Variants in MACROD2 observed in about 807,000 individuals in gnomAD.
MACROD2 encodes the protein mono-ADP ribosylhydrolase 2, also known as ADP-ribose glycohydrolase MACROD2.
MACROD2 carries 36 observed loss-of-function variants against 70.4 expected under a neutral mutation model. The ratio of observed to expected loss-of-function variants is 0.51; its 90% CI spans 0.39 to 0.68. MACROD2 has a LOEUF of 0.68. Among genes scored for constraint, MACROD2 ranks in the 30% least tolerant of loss-of-function variants. The pLI is 0.00. For missense variants in MACROD2, 496 were observed against 538.4 expected (o/e 0.92, Z 0.78); for synonymous variants, 172 against 178.8 (o/e 0.96, Z 0.30).
At chr20:15,384,762 T>C (rs1267586783) in intron 6 of MACROD2, among the ~76,000 whole-genome samples, 1 of 152,204 alleles carries the variant, frequency 6.6e-6, no homozygotes, top group Non-Finnish European at 1.5e-5. Context: ...TATTTTGGCT[T>C]GTATGTGTGT....
chr20:14,370,877 A>G (rs2083315982), intron 3 of MACROD2, among the ~76,000 whole-genome samples: 1 of 152,236 alleles, frequency 6.6e-6, no homozygotes, highest in South Asian at 2.1e-4. Context: ...GTAGCACATT[A>G]AAACATTATA....
At chr20:15,027,544 ATGG>A (rs1555775289) in intron 5 of MACROD2, among the ~76,000 whole-genome samples, 24 of 136,978 alleles carry the variant, frequency 1.8e-4, no homozygotes, top group East Asian at 6.3e-4. Flanking sequence ...GGTGGTAGTG[ATGG>A]TGGTGGTGGT....
intron 8 of MACROD2, among the ~76,000 whole-genome samples, chr20:15,510,408 C>G (rs2047483013): frequency 6.6e-6 from 1 of 152,094 alleles, no homozygotes; most frequent in African/African-American, 2.4e-5. Context: ...GTATGCTGCC[C>G]TGATTGAAGG....
chr20:14,179,067 A>C (rs1476917436), intron 3 of MACROD2, among the ~76,000 whole-genome samples: 1 of 152,158 alleles, frequency 6.6e-6, no homozygotes, highest in African/African-American at 2.4e-5. Context: ...TGGTTTGTGC[A>C]TACAGGAGGG....
At chr20:15,655,756 A>G (rs1379583981) in intron 8 of MACROD2, among the ~76,000 whole-genome samples, 1 of 152,232 alleles carries the variant, frequency 6.6e-6, no homozygotes, top group Non-Finnish European at 1.5e-5. Context: ...CCACCTTTGC[A>G]ACACACACAT....
At chr20:14,882,165 C>T (rs1300897192) in intron 5 of MACROD2, among the ~76,000 whole-genome samples, 1 of 152,124 alleles carries the variant, frequency 6.6e-6, no homozygotes, top group Non-Finnish European at 1.5e-5. Flanking sequence ...CAGGTTTATG[C>T]CTTGCTTCTC....
intron 17 of MACROD2, among the ~76,000 whole-genome samples, chr20:16,049,360 G>A (rs1010650430): frequency 6.6e-6 from 1 of 152,136 alleles, no homozygotes; most frequent in Non-Finnish European, 1.5e-5. Context: ...TCTTCTTAGT[G>A]TCCTCTCATG....
At chr20:14,942,351 T>C (rs945135043) in intron 5 of MACROD2, among the ~76,000 whole-genome samples, 1 of 151,138 alleles carries the variant, frequency 6.6e-6, no homozygotes, top group Non-Finnish European at 1.5e-5. Context: ...CTCCTCCTTC[T>C]TTTCTTCCTG....
intron 5 of MACROD2, among the ~76,000 whole-genome samples, chr20:14,994,009 C>G (rs908236402): frequency 1.2e-4 from 18 of 152,016 alleles, no homozygotes; most frequent in African/African-American, 4.3e-4. Flanking sequence ...GTTGAATCTT[C>G]AAGAAGGCAT....
intron 5 of MACROD2, among the ~76,000 whole-genome samples, chr20:15,049,134 T>G (rs1020674335): frequency 2.0e-5 from 3 of 151,978 alleles, no homozygotes; most frequent in African/African-American, 7.2e-5. Context: ...GCCACTGTCT[T>G]TGTGATGGGA....
intron 5 of MACROD2, among the ~76,000 whole-genome samples, chr20:14,994,777 G>T (rs1407036832): frequency 6.6e-6 from 1 of 152,082 alleles, no homozygotes; most frequent in African/African-American, 2.4e-5. Flanking sequence ...TACTAGTGTA[G>T]ATTATAGTCT....
At chr20:15,182,111 TA>T (rs1273764561) in intron 5 of MACROD2, among the ~76,000 whole-genome samples, 1 of 152,186 alleles carries the variant, frequency 6.6e-6, no homozygotes, top group Non-Finnish European at 1.5e-5. Context: ...GAACAGACCC[TA>T]AAAGGCAATA....
chr20:15,142,200 T>G (rs944748422), intron 5 of MACROD2, among the ~76,000 whole-genome samples: 1 of 152,198 alleles, frequency 6.6e-6, no homozygotes, highest in African/African-American at 2.4e-5. Context: ...ACCTGGTAAC[T>G]ACTAAGACTC....
chr20:14,304,845 A>G (rs1209159255), intron 3 of MACROD2, among the ~76,000 whole-genome samples: 1 of 151,360 alleles, frequency 6.6e-6, no homozygotes, highest in Non-Finnish European at 1.5e-5. Context: ...TAAAATTTTG[A>G]TTTAAACTTG....
At chr20:15,442,267 T>C (rs2046505863) in intron 7 of MACROD2, among the ~76,000 whole-genome samples, 1 of 152,174 alleles carries the variant, frequency 6.6e-6, no homozygotes, top group Non-Finnish European at 1.5e-5. Flanking sequence ...TAAAAATGTA[T>C]TGTGAAATGT....
At chr20:15,199,289 C>T (rs943063631) in intron 5 of MACROD2, among the ~76,000 whole-genome samples, 2 of 151,882 alleles carry the variant, frequency 1.3e-5, no homozygotes, top group African/African-American at 2.4e-5. Context: ...CCTGGGAGGT[C>T]GAAGCTGCAG....
At chr20:14,265,482 C>G (rs779391895) in intron 3 of MACROD2, among the ~76,000 whole-genome samples, 4 of 152,102 alleles carry the variant, frequency 2.6e-5, no homozygotes, top group Non-Finnish European at 5.9e-5. Flanking sequence ...CCAAATTTCA[C>G]TGAATCTAAG....
intron 3 of MACROD2, among the ~76,000 whole-genome samples, chr20:14,446,715 T>C (rs1156647046): frequency 6.6e-6 from 1 of 152,060 alleles, no homozygotes; most frequent in Admixed American, 6.5e-5. Context: ...CTCAGAGTAT[T>C]TCATTGTGGG....
intron 3 of MACROD2, among the ~76,000 whole-genome samples, chr20:14,480,783 T>A (rs2084654446): frequency 6.6e-6 from 1 of 152,300 alleles, no homozygotes; most frequent in African/African-American, 2.4e-5. Context: ...GTGTCTTGTA[T>A]GGTAAATAAT....
Sources: allele counts gnomAD v4.1 joint callset (sites outside exome capture counted in the v4.1 genomes callset), GRCh38; gene constraint gnomAD v4.1.1; transcripts MANE v1.5; gene names NCBI Gene and HGNC (gene_info 2026-07-23, HGNC 2026-07-21).